CCDC68: variants seen among roughly 807,000 people sequenced by gnomAD.
CCDC68 encodes the protein coiled-coil domain containing 68.
A neutral mutation model predicts 47.1 loss-of-function variants in CCDC68; 45 were observed. That is an observed-to-expected ratio of 0.96 (90% CI 0.75 to 1.23). CCDC68 has a LOEUF of 1.23. CCDC68 is among the 50% of genes most tolerant of loss of function. The probability of loss-of-function intolerance (pLI) is 0.00; values close to 1 mark genes in which losing one functional copy is unlikely to be tolerated. For synonymous variants in CCDC68, 131 were observed against 129.5 expected (o/e 1.01, Z -0.08); for missense variants, 353 against 373.6 (o/e 0.94, Z 0.45).
At chr18:54,958,370 C>T (rs1453016571) in intron 1 of CCDC68, among the ~76,000 whole-genome samples, 1 of 152,162 alleles carries the variant, frequency 6.6e-6, no homozygotes, top group African/African-American at 2.4e-5. Context: ...GCCCAGCTCA[C>T]ATATCAGGAA....
In CCDC68 at chr18:54,934,900, G is replaced by T; in HGVS notation, c.520C>A (p.Leu174Met). The T allele has an allele frequency of 6.3e-7, 1 of 1,599,622 alleles. No individual in the cohort carries two copies. Among genetic ancestry groups the T allele is most frequent in the Non-Finnish European group, 8.5e-7 (1 of 1,174,042 alleles). The change falls in exon 7 of 12, where the codon CTG (leucine) becomes ATG (methionine). Residue 174 changes from leucine (L) to methionine (M), a missense_variant. Physicochemically the swap from Leu to Met is conservative, Grantham distance 15. Coordinates refer to ENST00000591504, the MANE Select transcript of CCDC68 (RefSeq NM_025214.3). ...EQKLKQHVENLNQVAEKLEEK... is the reference protein window; with the variant it reads ...EQKLKQHVENMNQVAEKLEEK... ...TCAAGTTTTTCAGCAACTTGATTCAGATTTTCAACATGTTGTTTCAATTTC... is the reference window on the plus strand; with the variant it reads ...TCAAGTTTTTCAGCAACTTGATTCATATTTTCAACATGTTGTTTCAATTTC...
intron 7 of CCDC68, among the ~76,000 whole-genome samples, chr18:54,933,949 G>A (rs1422841149): frequency 1.3e-5 from 2 of 152,142 alleles, no homozygotes; most frequent in Admixed American, 6.5e-5. Context: ...GAAATGTGAT[G>A]TTTTTGAAAT....
At chr18:54,904,751 T>C (rs1266059123) in intron 11 of CCDC68, among the ~76,000 whole-genome samples, 2 of 152,062 alleles carry the variant, frequency 1.3e-5, no homozygotes, top group Non-Finnish European at 2.9e-5. Context: ...AAAACACAAA[T>C]CAACTGTTCC....
chr18:54,939,484 T>C (rs2044401765), intron 4 of CCDC68, among the ~76,000 whole-genome samples: 1 of 152,080 alleles, frequency 6.6e-6, no homozygotes. Flanking sequence ...GATGCTGAGC[T>C]GCTGGGACTG....
At position 54,937,956 on chromosome 18, in the gene CCDC68, C is replaced by A. The variant is rs1189576555; in HGVS notation, c.345+1G>T. On this transcript the variant is annotated splice_donor_variant, in intron 5 of 11. Coordinates refer to ENST00000591504, the MANE Select transcript of CCDC68 (RefSeq NM_025214.3). LOFTEE classifies it high-confidence loss of function. ...AAATTTGAAACTTCTAAAAGTCATA[C>A]CTTGATTTTCAATACTTCATTCTCT... 6.2e-7 allele frequency: 1 copy of A among 1,609,060 alleles called. No homozygotes were observed. Among genetic ancestry groups the A allele is most frequent in the Non-Finnish European group, 8.5e-7 (1 of 1,178,278 alleles).
chr18:54,944,839 G>A (rs996919109), intron 2 of CCDC68, among the ~76,000 whole-genome samples: 19 of 152,130 alleles, frequency 1.2e-4, no homozygotes, highest in African/African-American at 4.3e-4. Flanking sequence ...AATATTTAAT[G>A]AGGAAACTTT....
chr18:54,951,876 G>T (rs1320174782), intron 1 of CCDC68, among the ~76,000 whole-genome samples: 2 of 152,194 alleles, frequency 1.3e-5, no homozygotes, highest in Non-Finnish European at 2.9e-5. Flanking sequence ...CAGCTGGGAG[G>T]TCTTGGAAAA....
chr18:54,908,654 G>A (rs189008138), intron 10 of CCDC68, among the ~76,000 whole-genome samples: 339 of 152,192 alleles, frequency 2.2e-3, no homozygotes, highest in Non-Finnish European at 3.4e-3. Flanking sequence ...AAAAAAATAC[G>A]TCAAGTGCTC....
At position 54,928,826 on chromosome 18, in the gene CCDC68, G is replaced by T; in HGVS notation, c.657C>A (p.Leu219=). The T allele has an allele frequency of 1.9e-6, 3 of 1,612,306 alleles. No homozygotes were observed. The highest frequency in any genetic ancestry group is 2.5e-6 in the Non-Finnish European group (3 of 1,178,334). ...TTTTTCCATATGTAGCACTGGATTT[G>T]AGTTGCAGTAGCTTGTTTTCCAAAG... ...KLSLENKLLQ[L]KSSATYGKSC... The change falls in exon 8 of 12, where the codon CTC becomes CTA. Residue 219 remains leucine (L), a synonymous_variant. Coordinates refer to ENST00000591504, the MANE Select transcript of CCDC68 (RefSeq NM_025214.3).
At position 54,904,404 on chromosome 18, in the gene CCDC68, G is replaced by A; in HGVS notation, c.962C>T (p.Thr321Ile). ...CATTAAATAAGGGGAAACACCTTCG[G>A]TCTTCAATTCACTGTAGAAAAGACA... ...SKAVSTSELK[T>I]EGVSPYLMLI... Residue 321 changes from threonine to isoleucine, a missense_variant, in exon 12 of 12, where the codon ACC becomes ATC. Coordinates refer to ENST00000591504, the MANE Select transcript of CCDC68 (RefSeq NM_025214.3). 2 of 1,613,092 alleles carry A rather than the reference G, an allele frequency of 1.2e-6. No individual in the cohort carries two copies. The highest frequency in any genetic ancestry group is 1.7e-6 in the Non-Finnish European group (2 of 1,179,190).
At chr18:54,928,970 A>T in intron 7 of CCDC68, 88 bp from the exon 8 acceptor site, 1 of 728,810 alleles carries the variant, frequency 1.4e-6, no homozygotes, top group Non-Finnish European at 2.4e-6. Context: ...CTATGGCTTG[A>T]GCTAAAGAGT....
chr18:54,942,926 A>T (rs1026486837), intron 2 of CCDC68, 123 bp from the exon 3 acceptor site: 17 of 631,694 alleles, frequency 2.7e-5, no homozygotes, highest in Non-Finnish European at 4.8e-5. Flanking sequence ...GCTATAAATC[A>T]TTGGTATCTG....
At chr18:54,922,816 T>A (rs2044082953) in intron 8 of CCDC68, among the ~76,000 whole-genome samples, 3 of 151,464 alleles carry the variant, frequency 2.0e-5, no homozygotes, top group Admixed American at 2.0e-4. Flanking sequence ...GGTGAGACCC[T>A]GTCACTACTA....
At chr18:54,954,801 T>TCAA (rs2044684217) in intron 1 of CCDC68, 14 of 152,154 alleles carry the variant, frequency 9.2e-5, no homozygotes, top group Admixed American at 8.5e-4. Context: ...AAAGGTGTAT[T>TCAA]ACCAAACAAG....
Position 54,946,746 on chromosome 18 carries a change from C to T in CCDC68, c.-102-1269G>A, listed in dbSNP as rs1305278814. On this transcript the variant is annotated intron_variant, in intron 1 of 11. Transcript: ENST00000591504. ...CCACCTTTTCCACTCACTGGTTGGG[C>T]CACCTTAAACAAGTTACATAAAATC... 2.6e-5 allele frequency among the ~76,000 whole-genome samples: 4 copies of T among 152,162 alleles called. No individual in the cohort carries two copies. The East Asian group carries it at 5.8e-4, about 22-fold the overall frequency.
At chr18:54,931,025 ACATC>A (rs1445574472) in intron 7 of CCDC68, among the ~76,000 whole-genome samples, 6 of 151,934 alleles carry the variant, frequency 3.9e-5, no homozygotes, top group Non-Finnish European at 8.8e-5. Context: ...GCCCACAGAT[ACATC>A]TTACAAGCGT....
At chr18:54,947,088 G>T (rs2044541209) in intron 1 of CCDC68, among the ~76,000 whole-genome samples, 1 of 152,202 alleles carries the variant, frequency 6.6e-6, no homozygotes, top group South Asian at 2.1e-4. Context: ...AGCCGGCGAA[G>T]TCCAAATTGC....
At chr18:54,932,271 A>G (rs534331573) in intron 7 of CCDC68, among the ~76,000 whole-genome samples, 9 of 148,516 alleles carry the variant, frequency 6.1e-5, no homozygotes, top group East Asian at 2.0e-4. Flanking sequence ...TGCAGCCTCC[A>G]CCTCCCAGGT....
intron 9 of CCDC68, 86 bp from the exon 10 acceptor site, chr18:54,918,082 G>A: frequency 1.6e-6 from 1 of 617,812 alleles, no homozygotes; most frequent in South Asian, 2.0e-5. Flanking sequence ...GATTTCTGAG[G>A]TCAAAAGATG....
Sources: allele counts gnomAD v4.1 joint callset (sites outside exome capture counted in the v4.1 genomes callset), GRCh38; gene constraint gnomAD v4.1.1; transcripts MANE v1.5; gene names NCBI Gene and HGNC (gene_info 2026-07-23, HGNC 2026-07-21).